PPP1R13B: variants seen among roughly 807,000 people sequenced by gnomAD.
PPP1R13B encodes the protein protein phosphatase 1 regulatory subunit 13B.
PPP1R13B carries 44 observed loss-of-function variants against 119.8 expected under a neutral mutation model. The ratio of observed to expected loss-of-function variants is 0.37; its 90% CI spans 0.29 to 0.47. PPP1R13B has a LOEUF of 0.47. PPP1R13B is among the 20% of genes least tolerant of loss of function. PPP1R13B has a pLI of 0.99. For synonymous variants in PPP1R13B, 542 were observed against 561.5 expected, an observed-to-expected ratio of 0.97 and a Z score of 0.49; for missense variants, 1,227 against 1,413.5, an observed-to-expected ratio of 0.87 and a Z score of 2.12.
intron 1 of PPP1R13B, among the ~76,000 whole-genome samples, chr14:103,802,694 T>C (rs1283040340): frequency 1.3e-5 from 2 of 152,170 alleles, no homozygotes; most frequent in Non-Finnish European, 1.5e-5. Flanking sequence ...GAATGAAGGA[T>C]GGTATGGCAG....
In PPP1R13B at chr14:103,746,496, C is replaced by T. The variant is rs955607664; in HGVS notation, c.1027G>A (p.Val343Ile). The T allele has an allele frequency of 1.2e-6, 2 of 1,614,044 alleles. No homozygotes were observed. The highest frequency in any genetic ancestry group is 2.2e-5 in the East Asian group (1 of 44,884). Residue 343 changes from valine (V) to isoleucine (I), a missense_variant, in exon 9 of 17, where the codon GTC becomes ATC. By Grantham distance (29) the Val-to-Ile change is conservative. Coordinates refer to ENST00000202556, the MANE Select transcript of PPP1R13B (RefSeq NM_015316.3). ...PQSPLSTSGR[V>I]AAVGPYIQVP... ...TGGATATAAGGCCCCACAGCAGCGA[C>T]CCTGCCCGATGTGCTCAGAGGGGAC...
intron 3 of PPP1R13B, among the ~76,000 whole-genome samples, chr14:103,782,808 G>A (rs2085366607): frequency 6.6e-6 from 1 of 151,124 alleles, no homozygotes; most frequent in African/African-American, 2.4e-5. Flanking sequence ...ATTCTACTAA[G>A]CTTTTTTTTT....
intron 5 of PPP1R13B, among the ~76,000 whole-genome samples, chr14:103,756,933 T>TAA (rs1567098876): frequency 1.9e-4 from 28 of 147,682 alleles, no homozygotes; most frequent in African/African-American, 7.0e-4. Flanking sequence ...TAATTTTTTT[T>TAA]AAATATTTTT....
intron 1 of PPP1R13B, among the ~76,000 whole-genome samples, chr14:103,819,600 T>C (rs977371205): frequency 2.0e-5 from 3 of 151,428 alleles, no homozygotes; most frequent in Non-Finnish European, 4.4e-5. Context: ...ATGAGAACCC[T>C]AGAGGTAATG....
upstream of PPP1R13B, among the ~76,000 whole-genome samples, chr14:103,848,808 C>T (rs1258190114): frequency 7.1e-6 from 1 of 140,946 alleles, no homozygotes; most frequent in Non-Finnish European, 1.5e-5. Flanking sequence ...CTCGTGTTTG[C>T]GAGTGTGGAC....
intron 3 of PPP1R13B, among the ~76,000 whole-genome samples, chr14:103,782,281 G>A (rs2085355825): frequency 6.6e-6 from 1 of 152,200 alleles, no homozygotes; most frequent in African/African-American, 2.4e-5. Flanking sequence ...CTTAATTCAT[G>A]TAACATGTTT....
At chr14:103,779,146 C>T (rs1404314409) in intron 3 of PPP1R13B, among the ~76,000 whole-genome samples, 3 of 150,068 alleles carry the variant, frequency 2.0e-5, no homozygotes, top group Admixed American at 6.7e-5. Flanking sequence ...TAAAATTAGC[C>T]GGGTATGGTG....
chr14:103,833,370 G>C (rs997941320), intron 1 of PPP1R13B, among the ~76,000 whole-genome samples: 9 of 152,080 alleles, frequency 5.9e-5, no homozygotes, highest in African/African-American at 2.2e-4. Flanking sequence ...CTGGCCAGGC[G>C]TGGTGGCTCA....
At chr14:103,794,922 A>G (rs1190226407) in intron 2 of PPP1R13B, among the ~76,000 whole-genome samples, 2 of 152,168 alleles carry the variant, frequency 1.3e-5, no homozygotes, top group African/African-American at 2.4e-5. Context: ...AACAAGATAG[A>G]GATAAAAACT....
intron 2 of PPP1R13B, among the ~76,000 whole-genome samples, chr14:103,790,918 T>C (rs1466705589): frequency 6.6e-6 from 1 of 152,146 alleles, no homozygotes; most frequent in East Asian, 1.9e-4. Flanking sequence ...TACTTAAGAT[T>C]TATAACTCTA....
intron 2 of PPP1R13B, among the ~76,000 whole-genome samples, chr14:103,785,341 C>T (rs753829350): frequency 1.6e-4 from 24 of 152,124 alleles, no homozygotes; most frequent in Admixed American, 9.2e-4. Flanking sequence ...GCCTCAGCCT[C>T]CCAAGTAGCT....
chr14:103,808,101 T>C (rs2086060893), intron 1 of PPP1R13B, among the ~76,000 whole-genome samples: 1 of 151,814 alleles, frequency 6.6e-6, no homozygotes, highest in Non-Finnish European at 1.5e-5. Context: ...AAAAATTAGC[T>C]GGGCGTGGTG....
chr14:103,838,476 T>C (rs1457404308), intron 1 of PPP1R13B, among the ~76,000 whole-genome samples: 3 of 152,192 alleles, frequency 2.0e-5, no homozygotes, highest in African/African-American at 4.8e-5. Flanking sequence ...AGACAATTAC[T>C]GCAAAGAACC....
intron 9 of PPP1R13B, among the ~76,000 whole-genome samples, chr14:103,745,247 G>C (rs566412738): frequency 5.9e-4 from 90 of 152,200 alleles, no homozygotes; most frequent in Non-Finnish European, 2.4e-4. Context: ...CTCCCCAGTG[G>C]GGGCAACAGA....
chr14:103,762,600 A>G (rs2084834730), intron 4 of PPP1R13B, among the ~76,000 whole-genome samples: 1 of 151,868 alleles, frequency 6.6e-6, no homozygotes. Context: ...AAGTATTAAA[A>G]AAAAAAAAAA....
At position 103,778,733 on chromosome 14, in the gene PPP1R13B, A is replaced by C; in HGVS notation, c.354+12T>G. The C allele has an allele frequency of 6.2e-7, 1 of 1,606,570 alleles. No homozygotes were observed. The highest frequency in any genetic ancestry group is 8.5e-7 in the Non-Finnish European group (1 of 1,173,246). On this transcript the variant is annotated intron_variant, in intron 4 of 16. Coordinates refer to ENST00000202556, the MANE Select transcript of PPP1R13B (RefSeq NM_015316.3). ...CAATTTTTAAAATTCAATTTAATTC[A>C]CTGTCACTTACCCCATTTTCAGTAC...
intron 1 of PPP1R13B, among the ~76,000 whole-genome samples, chr14:103,803,679 CAAAT>C (rs776782671): frequency 2.0e-4 from 30 of 152,164 alleles, no homozygotes; most frequent in Admixed American, 3.3e-4. Flanking sequence ...AATTAATAAA[CAAAT>C]AAATAAAAGA....
At chr14:103,744,923 G>C (rs1376219296) in intron 9 of PPP1R13B, among the ~76,000 whole-genome samples, 1 of 152,232 alleles carries the variant, frequency 6.6e-6, no homozygotes. Flanking sequence ...CCTTGAGGCA[G>C]CACAGCAGAC....
chr14:103,814,239 C>T (rs894615670), intron 1 of PPP1R13B, among the ~76,000 whole-genome samples: 2 of 152,162 alleles, frequency 1.3e-5, no homozygotes, highest in Admixed American at 1.3e-4. Context: ...ATCCCAGCTA[C>T]TTGGGAGGCT....
Sources: gnomAD v4.1 joint callset for allele counts (sites outside exome capture counted in the v4.1 genomes callset) on GRCh38, gnomAD v4.1.1 for gene constraint, MANE v1.5 for transcripts, NCBI Gene and HGNC (gene_info 2026-07-23, HGNC 2026-07-21) for gene names.